Variants in ARK2C observed in about 807,000 individuals in gnomAD.
ARK2C encodes arkadia (RNF111) C-terminal like ring finger ubiquitin ligase 2C.
chr18:46,334,437 G>T, the ARK2C span: 23 of 1,004,160 alleles, frequency 2.3e-5, no homozygotes, highest in Non-Finnish European at 3.0e-5. The surrounding 1 kb of genome is among the most constrained non-coding windows in gnomAD (Gnocchi z 4.4). Flanking sequence ...GGGCACACCC[G>T]CGAGGACGCA....
the ARK2C span, among the ~76,000 whole-genome samples, chr18:46,363,824 T>C: frequency 1.3e-5 from 2 of 152,266 alleles, no homozygotes; most frequent in African/African-American, 4.8e-5. Flanking sequence ...GTCACATGAA[T>C]TCATAGGGGC....
At chr18:46,360,145 C>T in the ARK2C span, among the ~76,000 whole-genome samples, 1 of 152,234 alleles carries the variant, frequency 6.6e-6, no homozygotes, top group Non-Finnish European at 1.5e-5. Context: ...GGTCCTCCAG[C>T]TCACTCCTCC....
At chr18:46,424,248 C>T in the ARK2C span, among the ~76,000 whole-genome samples, 1 of 152,136 alleles carries the variant, frequency 6.6e-6, no homozygotes, top group Non-Finnish European at 1.5e-5. Flanking sequence ...AGCAGGGTGG[C>T]AGTGCCAGAG....
the ARK2C span, among the ~76,000 whole-genome samples, chr18:46,391,055 T>C: frequency 6.6e-6 from 1 of 152,234 alleles, no homozygotes; most frequent in Non-Finnish European, 1.5e-5. Flanking sequence ...GGGTCTGAAT[T>C]GAACTCTGCT....
At chr18:46,339,249 C>T in the ARK2C span, among the ~76,000 whole-genome samples, 2 of 152,192 alleles carry the variant, frequency 1.3e-5, no homozygotes, top group African/African-American at 4.8e-5. Flanking sequence ...ATTGAGTGAT[C>T]ACTCTCATAT....
chr18:46,386,088 G>C, the ARK2C span: 1 of 152,172 alleles, frequency 6.6e-6, no homozygotes, highest in Non-Finnish European at 1.5e-5. Context: ...AGTTTTGTGA[G>C]GCCTTAGAAG....
chr18:46,444,876 A>G, the ARK2C span, among the ~76,000 whole-genome samples: 1 of 152,122 alleles, frequency 6.6e-6, no homozygotes. Context: ...TATTTCAGAC[A>G]TTGCATTTTT....
At chr18:46,413,350 A>C in the ARK2C span, among the ~76,000 whole-genome samples, 1 of 152,088 alleles carries the variant, frequency 6.6e-6, no homozygotes, top group Middle Eastern at 3.4e-3. Flanking sequence ...ATCTATCTGC[A>C]TTAGCCTGTC....
chr18:46,383,601 T>C, the ARK2C span, among the ~76,000 whole-genome samples: 46 of 143,102 alleles, frequency 3.2e-4, no homozygotes, highest in South Asian at 2.0e-3. Flanking sequence ...GTCACCCAGA[T>C]TGGAGTACAG....
the ARK2C span, chr18:46,460,347 G>A: frequency 1.3e-5 from 2 of 151,466 alleles, no homozygotes; most frequent in Non-Finnish European, 1.5e-5. Flanking sequence ...ATGCTAGAGC[G>A]ATTTCAGCTG....
At chr18:46,438,585 G>A in the ARK2C span, among the ~76,000 whole-genome samples, 9 of 152,258 alleles carry the variant, frequency 5.9e-5, 1 homozygote, top group Admixed American at 4.6e-4. Context: ...TCTGCCATGT[G>A]AGGCAGTGCA....
the ARK2C span, among the ~76,000 whole-genome samples, chr18:46,425,890 C>G: frequency 2.0e-5 from 3 of 152,146 alleles, no homozygotes; most frequent in Non-Finnish European, 2.9e-5. Flanking sequence ...GCTGGGCAGT[C>G]CAAGATCAAG....
the ARK2C span, among the ~76,000 whole-genome samples, chr18:46,367,603 T>C: frequency 6.6e-6 from 1 of 152,210 alleles, no homozygotes; most frequent in Non-Finnish European, 1.5e-5. Flanking sequence ...AGGTGGACTG[T>C]AACTTGGGTC....
the ARK2C span, among the ~76,000 whole-genome samples, chr18:46,444,172 T>A: frequency 2.0e-5 from 3 of 152,166 alleles, no homozygotes; most frequent in Non-Finnish European, 4.4e-5. Context: ...TCTTTCACTA[T>A]TTTTAAGATC....
chr18:46,350,025 T>A, the ARK2C span, among the ~76,000 whole-genome samples: 5 of 152,330 alleles, frequency 3.3e-5, no homozygotes, highest in East Asian at 9.7e-4. Flanking sequence ...ATGTTCCACA[T>A]GCCAATACAT....
chr18:46,444,832 C>T, the ARK2C span, among the ~76,000 whole-genome samples: 21 of 152,062 alleles, frequency 1.4e-4, no homozygotes, highest in African/African-American at 5.1e-4. Context: ...TTTGTAGTAT[C>T]TAATTTACTG....
At chr18:46,343,495 C>T in the ARK2C span, among the ~76,000 whole-genome samples, 1 of 152,194 alleles carries the variant, frequency 6.6e-6, no homozygotes, top group Admixed American at 6.5e-5. Context: ...TGAAGATCAT[C>T]ACTGACATTC....
At chr18:46,450,340 C>T in the ARK2C span, 42 of 1,614,156 alleles carry the variant, frequency 2.6e-5, no homozygotes, top group Non-Finnish European at 3.5e-5. Flanking sequence ...AGCTTCACTT[C>T]CTTGCTCTCC....
At chr18:46,402,559 C>G in the ARK2C span, among the ~76,000 whole-genome samples, 5 of 152,236 alleles carry the variant, frequency 3.3e-5, no homozygotes, top group South Asian at 1.0e-3. Context: ...GTCACCCACG[C>G]TGGAGTGCGT....
Sources: allele counts gnomAD v4.1 joint callset (sites outside exome capture counted in the v4.1 genomes callset), GRCh38; gene constraint gnomAD v4.1.1; non-coding constraint Gnocchi (gnomAD v3.1); transcripts MANE v1.5; gene names NCBI Gene and HGNC (gene_info 2026-07-23, HGNC 2026-07-21).